GAS7: variants seen among roughly 807,000 people sequenced by gnomAD.
The protein encoded by GAS7 is growth arrest-specific protein 7.
A neutral mutation model predicts 71.1 loss-of-function variants in GAS7; 28 were observed. That is an observed-to-expected ratio of 0.39 (90% CI 0.29 to 0.54). GAS7 has a LOEUF of 0.54. GAS7 is among the 20% of genes least tolerant of loss of function. The probability of loss-of-function intolerance (pLI) is 0.62; values close to 1 mark genes in which losing one functional copy is unlikely to be tolerated. For synonymous variants in GAS7, 258 were observed against 245.8 expected (o/e 1.05, Z -0.46); for missense variants, 436 against 627.8 (o/e 0.69, Z 3.27).
chr17:10,078,344 A>G (rs1029336614), intron 1 of GAS7, among the ~76,000 whole-genome samples: 1 of 152,300 alleles, frequency 6.6e-6, no homozygotes, highest in East Asian at 1.9e-4. Context: ...AACCTGCCTC[A>G]GCCTCCCAAA....
chr17:10,160,630 G>T (rs1421217742), intron 1 of GAS7, among the ~76,000 whole-genome samples: 3 of 152,136 alleles, frequency 2.0e-5, no homozygotes, highest in Non-Finnish European at 4.4e-5. Flanking sequence ...CTTGCCACCA[G>T]GCAGATCACA....
At chr17:10,114,963 G>T (rs1311581497) in intron 1 of GAS7, among the ~76,000 whole-genome samples, 1 of 152,184 alleles carries the variant, frequency 6.6e-6, no homozygotes, top group Non-Finnish European at 1.5e-5. Context: ...TCTGTGGCTG[G>T]CAGGGCTGGG....
chr17:9,934,631 G>A (rs1567792359), intron 8 of GAS7, among the ~76,000 whole-genome samples: 1 of 152,170 alleles, frequency 6.6e-6, no homozygotes, highest in Non-Finnish European at 1.5e-5. Context: ...TGTCCCCAGA[G>A]CTTTCACATC....
At chr17:10,001,622 G>A (rs1597654436) in intron 2 of GAS7, among the ~76,000 whole-genome samples, 2 of 152,152 alleles carry the variant, frequency 1.3e-5, no homozygotes, top group Admixed American at 6.5e-5. Flanking sequence ...TTTAGAGATG[G>A]GGGAATTGCA....
At position 9,947,162 on chromosome 17, in the gene GAS7, C is replaced by G. The variant is rs76539195; in HGVS notation, c.526-179G>C. 0.017 allele frequency among the ~76,000 whole-genome samples: 2,550 copies of G among 152,242 alleles called. 78 individuals carry two copies. The highest frequency in any genetic ancestry group is 0.059 in the African/African-American group (2,429 of 41,506). The stretch of plus-strand genomic sequence containing the variant: ...GAGCGGCAACAGGTGCTCACCCCCA[C>G]CCCAAATGGGCTGTGAACCAGTACC... On this transcript the variant is annotated intron_variant, in intron 5 of 13. Transcript: ENST00000432992.
chr17:10,163,300 C>T (rs1465332495), intron 1 of GAS7, among the ~76,000 whole-genome samples: 5 of 151,566 alleles, frequency 3.3e-5, no homozygotes, highest in Non-Finnish European at 7.4e-5. Flanking sequence ...TTAGTAGAGA[C>T]GGGGTGCGGG....
At chr17:9,946,228 G>A (rs187189911) in intron 6 of GAS7, among the ~76,000 whole-genome samples, 1 of 152,074 alleles carries the variant, frequency 6.6e-6, no homozygotes, top group Admixed American at 6.6e-5. Flanking sequence ...ACAGGACTCT[G>A]CATTTCTACA....
At chr17:9,996,411 G>T (rs1169675555) in intron 2 of GAS7, among the ~76,000 whole-genome samples, 1 of 141,546 alleles carries the variant, frequency 7.1e-6, no homozygotes, top group Non-Finnish European at 1.5e-5. Context: ...TCACACACCC[G>T]GGCCTGTTGT....
At chr17:9,931,837 T>C (rs1481721074) in intron 9 of GAS7, among the ~76,000 whole-genome samples, 1 of 152,158 alleles carries the variant, frequency 6.6e-6, no homozygotes, top group Non-Finnish European at 1.5e-5. Flanking sequence ...CCAACCCAGC[T>C]CTTTAGAAAG....
intron 1 of GAS7, among the ~76,000 whole-genome samples, chr17:10,139,558 C>T (rs959518947): frequency 6.6e-6 from 1 of 152,206 alleles, no homozygotes; most frequent in Non-Finnish European, 1.5e-5. Context: ...TAATTTCACA[C>T]AGCAAGGAAG....
intron 1 of GAS7, among the ~76,000 whole-genome samples, chr17:10,195,386 T>C (rs1320194212): frequency 6.6e-6 from 1 of 152,172 alleles, no homozygotes; most frequent in Non-Finnish European, 1.5e-5. Flanking sequence ...AAGTATCCAG[T>C]GTGCACACAG....
intron 1 of GAS7, among the ~76,000 whole-genome samples, chr17:10,068,271 ACTT>A (rs2073303519): frequency 6.6e-6 from 1 of 152,074 alleles, no homozygotes; most frequent in Non-Finnish European, 1.5e-5. Flanking sequence ...TCCTAGGAGA[ACTT>A]CTGCGGAACC....
chr17:10,019,083 C>T (rs2072157864), intron 2 of GAS7, among the ~76,000 whole-genome samples: 1 of 152,118 alleles, frequency 6.6e-6, no homozygotes, highest in Non-Finnish European at 1.5e-5. Flanking sequence ...CGTGGTGCAT[C>T]CCCTTTTATA....
intron 2 of GAS7, among the ~76,000 whole-genome samples, chr17:10,006,624 C>T (rs1299319601): frequency 2.0e-5 from 3 of 152,032 alleles, no homozygotes; most frequent in African/African-American, 4.8e-5. Flanking sequence ...CCACCGTGCC[C>T]GGCCGCCCCA....
intron 4 of GAS7, among the ~76,000 whole-genome samples, chr17:9,967,538 C>T (rs534120254): frequency 6.8e-6 from 1 of 147,420 alleles, no homozygotes; most frequent in South Asian, 2.2e-4. Flanking sequence ...TCCTTCTAGT[C>T]CTTCTTCCTA....
At chr17:10,003,823 A>G (rs1158180081) in intron 2 of GAS7, among the ~76,000 whole-genome samples, 1 of 152,186 alleles carries the variant, frequency 6.6e-6, no homozygotes, top group African/African-American at 2.4e-5. Flanking sequence ...AGTAAACAAC[A>G]GCATCCTGCA....
intron 1 of GAS7, among the ~76,000 whole-genome samples, chr17:10,056,263 G>A (rs1008459854): frequency 1.3e-5 from 2 of 152,154 alleles, no homozygotes; most frequent in African/African-American, 4.8e-5. Context: ...GAGAGGCTGA[G>A]GTGGGAAGAC....
At position 10,107,673 on chromosome 17, in the gene GAS7, G is replaced by T. The variant is rs12453804; in HGVS notation, c.184-87776C>A. Among the ~76,000 whole-genome samples the T allele has an allele frequency of 3.5e-5, 5 of 142,472 alleles. No individual in the cohort carries two copies. The South Asian group carries it at 6.8e-4, about 19-fold the overall frequency. 93.5% of individuals were successfully genotyped at this position (142,472 alleles called of 152,430 possible). A position where few individuals can be genotyped will look rare whatever the true frequency, so the allele number is the denominator to read the frequency against. On this transcript the variant is annotated intron_variant, in intron 1 of 13. Transcript: ENST00000432992. ...TTACACAGTCCAGTGGTGGTGGGCT[G>T]GGCAGGAGAACTACCTTACACACAG...
intron 1 of GAS7, among the ~76,000 whole-genome samples, chr17:10,029,641 C>T (rs1238530113): frequency 1.3e-5 from 2 of 151,986 alleles, no homozygotes; most frequent in Non-Finnish European, 2.9e-5. Context: ...ATCACTTGAG[C>T]CCAGGAGTTT....
Sources: gnomAD v4.1 joint callset for allele counts (sites outside exome capture counted in the v4.1 genomes callset) on GRCh38, gnomAD v4.1.1 for gene constraint, MANE v1.5 for transcripts, NCBI Gene and HGNC (gene_info 2026-07-23, HGNC 2026-07-21) for gene names.